The following ZNF804B variants were observed in gnomAD, a reference collection of about 807,000 sequenced individuals.
ZNF804B encodes zinc finger protein 804B.
ZNF804B carries 80 observed loss-of-function variants against 101.4 expected under a neutral mutation model. That is an observed-to-expected ratio of 0.79 (90% CI 0.66 to 0.95). The LOEUF (loss-of-function observed/expected upper bound fraction) is 0.95. ZNF804B is among the 40% of genes least tolerant of loss of function. The pLI, the probability that ZNF804B is intolerant of heterozygous loss-of-function variation, is 0.00. For synonymous variants in ZNF804B, 622 were observed against 558.8 expected (o/e 1.11, Z -1.59); for missense variants, 1,673 against 1,561.9 (o/e 1.07, Z -1.20).
chr7:89,221,288 A>AC (rs1789000590), intron 2 of ZNF804B, among the ~76,000 whole-genome samples: 1 of 151,950 alleles, frequency 6.6e-6, no homozygotes, highest in Non-Finnish European at 1.5e-5. Context: ...TATAAGCACC[A>AC]CCGCCTGTGG....
rs114508301 is a variant in ZNF804B, at chr7:88,777,941, T to G, written c.108+17857T>G. Among the ~76,000 whole-genome samples the G allele has an allele frequency of 8.7e-3, 1,318 of 152,218 alleles. 17 individuals are homozygous for G. The highest frequency in any genetic ancestry group is 0.03 in the African/African-American group (1,236 of 41,538). ...TCTGAATATATATGTATATATCTGTTATACAGAAATCTAAAGAATGGGTAC... is the reference window on the plus strand; with the variant it reads ...TCTGAATATATATGTATATATCTGTGATACAGAAATCTAAAGAATGGGTAC... On this transcript the variant is annotated intron_variant, in intron 1 of 3. Coordinates refer to ENST00000333190, the MANE Select transcript of ZNF804B (RefSeq NM_181646.5).
rs116363614 is a variant in ZNF804B, at chr7:89,133,297, T to C, written c.109-84858T>C. Among the ~76,000 whole-genome samples the C allele has an allele frequency of 5.0e-3, 758 of 152,158 alleles. 6 individuals are homozygous for C. Among genetic ancestry groups the C allele is most frequent in the African/African-American group, 0.018 (731 of 41,538 alleles). On this transcript the variant is annotated intron_variant, in intron 1 of 3. Coordinates refer to ENST00000333190, the MANE Select transcript of ZNF804B (RefSeq NM_181646.5). ...ACTAATTTTCAAATAAAATTTACAC[T>C]ATTTTAGTCTGGGCCCTGAAGATGA...
In ZNF804B at chr7:89,189,444, A is replaced by G. The variant is rs1788423723; in HGVS notation, c.109-28711A>G. Among the ~76,000 whole-genome samples the G allele has an allele frequency of 2.0e-5, 3 of 152,122 alleles. No homozygotes were observed. The South Asian group carries it at 6.2e-4, about 32-fold the overall frequency. On this transcript the variant is annotated intron_variant, in intron 1 of 3. Transcript: ENST00000333190. ...GGCAGCTGCTCGGAAGCCTCGATCC[A>G]AGTAACCTTGTGGTATGAGCCCCAT...
chr7:89,137,952 A>G (rs963641667), intron 1 of ZNF804B, among the ~76,000 whole-genome samples: 6 of 152,104 alleles, frequency 3.9e-5, no homozygotes, highest in African/African-American at 1.4e-4. Context: ...AGGCTACTCT[A>G]GCCATGACTA....
chr7:89,328,090 T>C (rs1790924800), intron 3 of ZNF804B, among the ~76,000 whole-genome samples: 1 of 152,046 alleles, frequency 6.6e-6, no homozygotes, highest in African/African-American at 2.4e-5. Context: ...TTGTGATTTG[T>C]GTTCATATGA....
intron 1 of ZNF804B, among the ~76,000 whole-genome samples, chr7:89,046,809 C>G (rs907240057): frequency 7.9e-5 from 12 of 151,554 alleles, no homozygotes; most frequent in African/African-American, 2.4e-4. Flanking sequence ...TTTTAGAATC[C>G]CTAGAGAGTG....
intron 1 of ZNF804B, among the ~76,000 whole-genome samples, chr7:88,864,824 G>C (rs1398612910): frequency 1.3e-5 from 2 of 152,166 alleles, no homozygotes; most frequent in Non-Finnish European, 2.9e-5. Context: ...AAATGGCCAA[G>C]GACATGAGAT....
At chr7:88,962,571 A>G (rs1793401017) in intron 1 of ZNF804B, among the ~76,000 whole-genome samples, 1 of 150,656 alleles carries the variant, frequency 6.6e-6, no homozygotes, top group Non-Finnish European at 1.5e-5. Flanking sequence ...AAGTATACCT[A>G]AGAATTGGGG....
At chr7:88,907,983 G>T (rs1004117941) in intron 1 of ZNF804B, among the ~76,000 whole-genome samples, 1 of 151,844 alleles carries the variant, frequency 6.6e-6, no homozygotes, top group African/African-American at 2.4e-5. Flanking sequence ...TGAATTAGAA[G>T]CTTGGGAACA....
intron 1 of ZNF804B, among the ~76,000 whole-genome samples, chr7:89,091,919 GT>G (rs199742999): frequency 6.6e-6 from 1 of 151,650 alleles, no homozygotes; most frequent in African/African-American, 2.4e-5. Context: ...CTTATGCACA[GT>G]TTTTTTTTAT....
At chr7:89,047,781 A>G (rs1789133313) in intron 1 of ZNF804B, among the ~76,000 whole-genome samples, 2 of 152,028 alleles carry the variant, frequency 1.3e-5, no homozygotes, top group East Asian at 3.9e-4. Context: ...GAACACCCTC[A>G]CTGCACTGTG....
At position 89,001,820 on chromosome 7, in the gene ZNF804B, T is replaced by G. The variant is rs138248652; in HGVS notation, c.109-216335T>G. ...CATGATGAAGATATATGTAATGGAA[T>G]AAATTTGTAGGGTTTTTTGGGCATT... On this transcript the variant is annotated intron_variant, in intron 1 of 3. Coordinates refer to ENST00000333190, the MANE Select transcript of ZNF804B (RefSeq NM_181646.5). Among the ~76,000 whole-genome samples the G allele has an allele frequency of 1.1e-3, 169 of 152,024 alleles. 1 individual carries two copies. Among genetic ancestry groups the G allele is most frequent in the African/African-American group, 3.9e-3 (160 of 41,538 alleles).
intron 1 of ZNF804B, among the ~76,000 whole-genome samples, chr7:89,134,087 CAAAA>C (rs894352579): frequency 1.3e-5 from 2 of 151,796 alleles, no homozygotes; most frequent in East Asian, 1.9e-4. Flanking sequence ...TTAAGAAAAA[CAAAA>C]AAAGAACACT....
At chr7:89,041,850 T>C (rs1204439796) in intron 1 of ZNF804B, among the ~76,000 whole-genome samples, 1 of 152,186 alleles carries the variant, frequency 6.6e-6, no homozygotes, top group African/African-American at 2.4e-5. Context: ...ATTTCTTAGC[T>C]TTTGTGAAGG....
intron 1 of ZNF804B, among the ~76,000 whole-genome samples, chr7:88,829,250 C>T (rs900798155): frequency 1.3e-5 from 2 of 152,034 alleles, no homozygotes; most frequent in African/African-American, 2.4e-5. Flanking sequence ...GTCCCTGCAC[C>T]TGAACATTTT....
At chr7:88,851,137 T>A (rs893960357) in intron 1 of ZNF804B, among the ~76,000 whole-genome samples, 6 of 152,214 alleles carry the variant, frequency 3.9e-5, no homozygotes, top group African/African-American at 4.8e-5. Context: ...ATGAGTAGAT[T>A]GTTGGTGAGT....
At chr7:89,007,905 A>G (rs1788394472) in intron 1 of ZNF804B, among the ~76,000 whole-genome samples, 1 of 151,964 alleles carries the variant, frequency 6.6e-6, no homozygotes, top group Non-Finnish European at 1.5e-5. Flanking sequence ...TTAATAACCT[A>G]TAAAGTAATA....
At chr7:89,205,855 G>T (rs369429221) in intron 1 of ZNF804B, among the ~76,000 whole-genome samples, 18 of 152,122 alleles carry the variant, frequency 1.2e-4, no homozygotes, top group Admixed American at 1.1e-3. Context: ...TATGTGGGGG[G>T]CTCAAATCCC....
chr7:88,913,670 A>T (rs1422333166), intron 1 of ZNF804B, among the ~76,000 whole-genome samples: 5 of 152,214 alleles, frequency 3.3e-5, no homozygotes, highest in African/African-American at 7.2e-5. Flanking sequence ...TGCTGGGATT[A>T]CAGGCATGAG....
Sources: gnomAD v4.1 joint callset for allele counts (sites outside exome capture counted in the v4.1 genomes callset) on GRCh38, gnomAD v4.1.1 for gene constraint, MANE v1.5 for transcripts, NCBI Gene and HGNC (gene_info 2026-07-23, HGNC 2026-07-21) for gene names.